Variants in GRM5 observed in about 807,000 individuals in gnomAD.
GRM5 encodes metabotropic glutamate receptor 5.
Under a neutral mutation model 83.1 loss-of-function variants are expected in GRM5, and 19 were observed. The ratio of observed to expected loss-of-function variants is 0.23; its 90% CI spans 0.16 to 0.34. The LOEUF is 0.34. Among genes scored for constraint, GRM5 ranks in the 10% least tolerant of loss-of-function variants. GRM5 has a pLI of 1.00. For missense variants in GRM5, 1,160 were observed against 1,588.3 expected (o/e 0.73, Z 4.58); for synonymous variants, 675 against 633.6 (o/e 1.07, Z -0.98).
intron 2 of GRM5, among the ~76,000 whole-genome samples, chr11:88,852,315 A>C (rs1321968767): frequency 6.6e-6 from 1 of 152,176 alleles, no homozygotes; most frequent in Non-Finnish European, 1.5e-5. Flanking sequence ...CAATTTATAT[A>C]GTCTTTTTAA....
At chr11:88,966,993 A>G (rs1938995496) in intron 2 of GRM5, among the ~76,000 whole-genome samples, 2 of 152,078 alleles carry the variant, frequency 1.3e-5, no homozygotes, top group Non-Finnish European at 2.9e-5. Flanking sequence ...AGGCCAAGAG[A>G]AATGCAAAAT....
At chr11:88,818,101 T>C (rs1256216207) in intron 3 of GRM5, among the ~76,000 whole-genome samples, 3 of 152,004 alleles carry the variant, frequency 2.0e-5, no homozygotes, top group Non-Finnish European at 4.4e-5. Context: ...AATATAAACA[T>C]AAAAAACTAT....
At chr11:88,995,594 G>A (rs1280088568) in intron 2 of GRM5, among the ~76,000 whole-genome samples, 2 of 146,658 alleles carry the variant, frequency 1.4e-5, no homozygotes, top group East Asian at 2.0e-4. Flanking sequence ...CATGGTATAA[G>A]GTACTGAAGT....
At chr11:88,600,981 GAGTT>G (rs1297126719) in intron 5 of GRM5, among the ~76,000 whole-genome samples, 1 of 152,154 alleles carries the variant, frequency 6.6e-6, no homozygotes, top group Non-Finnish European at 1.5e-5. Context: ...AGAGATCACA[GAGTT>G]AGTTAGACCA....
intron 4 of GRM5, among the ~76,000 whole-genome samples, chr11:88,616,414 T>A (rs1260329798): frequency 1.0e-4 from 9 of 88,304 alleles, no homozygotes; most frequent in Admixed American, 2.8e-4. Context: ...TTTTTTTTTT[T>A]ACCAGAGAAA....
intron 3 of GRM5, among the ~76,000 whole-genome samples, chr11:88,845,725 G>GCCCCCCCC (rs66888159): frequency 6.8e-6 from 1 of 147,338 alleles, no homozygotes; most frequent in African/African-American, 2.6e-5. Context: ...GAACCACCGC[G>GCCCCCCCC]CCCCCCCCCA....
chr11:89,043,351 AC>A (rs2135144655), intron 2 of GRM5, among the ~76,000 whole-genome samples: 1 of 152,260 alleles, frequency 6.6e-6, no homozygotes, highest in South Asian at 2.1e-4. Context: ...AAAACACAAT[AC>A]AATAATTACT....
intron 2 of GRM5, among the ~76,000 whole-genome samples, chr11:88,960,980 T>C (rs1199306513): frequency 6.6e-6 from 1 of 152,200 alleles, no homozygotes; most frequent in Admixed American, 6.5e-5. Context: ...GAAGCATGTA[T>C]ACTGAAGAAC....
intron 7 of GRM5, among the ~76,000 whole-genome samples, chr11:88,580,621 G>A (rs985192804): frequency 3.3e-5 from 5 of 152,162 alleles, no homozygotes; most frequent in African/African-American, 1.2e-4. Context: ...GTGTAGTATT[G>A]TCACGGCTTA....
chr11:88,822,167 T>C (rs146271770), intron 3 of GRM5, among the ~76,000 whole-genome samples: 51 of 152,306 alleles, frequency 3.3e-4, no homozygotes, highest in African/African-American at 1.2e-3. Flanking sequence ...AGATATAATA[T>C]ATGTCCTCTG....
chr11:88,512,911 A>C (rs1941417727), intron 9 of GRM5, among the ~76,000 whole-genome samples: 2 of 152,200 alleles, frequency 1.3e-5, no homozygotes, highest in South Asian at 4.1e-4. Flanking sequence ...GTAAGCCATA[A>C]AACCTTTCAG....
rs183663746 is a variant in GRM5, at chr11:88,881,175, C to T, written c.662-31020G>A. Among the ~76,000 whole-genome samples, 3 of 151,924 alleles carry T rather than the reference C, an allele frequency of 2.0e-5. No homozygotes were observed. In the East Asian group the frequency reaches 5.8e-4, roughly 29 times the overall value. On this transcript the variant is annotated intron_variant, in intron 2 of 9. Transcript: ENST00000305447. ...AAAAAAAATATTATTAAAAATAAGACTGTGTTAACTCCATCTCATTTTCTT... is the reference window on the plus strand; with the variant it reads ...AAAAAAAATATTATTAAAAATAAGATTGTGTTAACTCCATCTCATTTTCTT...
At chr11:89,064,796 C>G (rs1267006045) in intron 1 of GRM5, among the ~76,000 whole-genome samples, 11 of 150,682 alleles carry the variant, frequency 7.3e-5, no homozygotes, top group Non-Finnish European at 1.5e-4. Context: ...TCTACTACCC[C>G]ACTCAGCCTA....
Position 88,632,247 on chromosome 11 carries a change from C to CTTT in GRM5, c.1147+20918_1147+20920dup, listed in dbSNP as rs35797493. On this transcript the variant is annotated intron_variant, in intron 4 of 9. Transcript: ENST00000305447. ...TAGAGATTGAATCACACAGTATGTA[C>CTTT]TTTTTTTTTTTTTTTTTTTGGCAGG... 2.5e-3 allele frequency among the ~76,000 whole-genome samples: 281 copies of CTTT among 110,938 alleles called. 12 individuals carry two copies. The highest frequency in any genetic ancestry group is 2.8e-3 in the Non-Finnish European group (159 of 57,724). 72.8% of individuals were successfully genotyped at this position (110,938 alleles called of 152,430 possible). A position where few individuals can be genotyped will look rare whatever the true frequency, so the allele number is the denominator to read the frequency against.
intron 3 of GRM5, among the ~76,000 whole-genome samples, chr11:88,795,427 A>T (rs995118244): frequency 2.6e-5 from 4 of 152,210 alleles, no homozygotes; most frequent in African/African-American, 7.2e-5. Flanking sequence ...AGAAGGGAAA[A>T]TAAGTTGACC....
intron 3 of GRM5, among the ~76,000 whole-genome samples, chr11:88,773,436 G>C (rs918406672): frequency 6.6e-6 from 1 of 152,154 alleles, no homozygotes; most frequent in African/African-American, 2.4e-5. Context: ...CTTTTGTCAT[G>C]CAGAAGCTCT....
chr11:88,810,893 A>G (rs565991573), intron 3 of GRM5, among the ~76,000 whole-genome samples: 1 of 152,168 alleles, frequency 6.6e-6, no homozygotes, highest in Non-Finnish European at 1.5e-5. Context: ...CTATGTCACA[A>G]CTTAAGAGAA....
intron 4 of GRM5, among the ~76,000 whole-genome samples, chr11:88,608,521 T>TC (rs1458626591): frequency 5.5e-5 from 8 of 145,168 alleles, no homozygotes; most frequent in Non-Finnish European, 1.2e-4. Context: ...GGGATTTTTT[T>TC]TTTTTTTTTT....
intron 2 of GRM5, among the ~76,000 whole-genome samples, chr11:89,023,986 G>T (rs1293638255): frequency 6.6e-6 from 1 of 152,126 alleles, no homozygotes; most frequent in African/African-American, 2.4e-5. Flanking sequence ...AGCACTTTGA[G>T]AGATGGATCA....
Sources: gnomAD v4.1 joint callset for allele counts (sites outside exome capture counted in the v4.1 genomes callset) on GRCh38, gnomAD v4.1.1 for gene constraint, MANE v1.5 for transcripts, NCBI Gene and HGNC (gene_info 2026-07-23, HGNC 2026-07-21) for gene names.